SMYD3: variants seen among roughly 807,000 people sequenced by gnomAD.
SMYD3 encodes histone-lysine N-methyltransferase SMYD3.
In SMYD3, 36 loss-of-function variants were observed where a neutral mutation model predicts 57.7. The ratio of observed to expected loss-of-function variants is 0.62; its 90% CI spans 0.48 to 0.82. The LOEUF (loss-of-function observed/expected upper bound fraction) is 0.82, where lower values mean the gene tolerates loss of function less well. SMYD3 is among the 40% of genes least tolerant of loss of function. The pLI is 0.00. For missense variants in SMYD3, 515 were observed against 538.8 expected (o/e 0.96, Z 0.44); for synonymous variants, 211 against 195.0 (o/e 1.08, Z -0.68).
intron 5 of SMYD3, among the ~76,000 whole-genome samples, chr1:245,986,074 G>A (rs1250675164): frequency 1.3e-5 from 2 of 152,172 alleles, no homozygotes; most frequent in Non-Finnish European, 2.9e-5. Context: ...TAGAGTAAGC[G>A]AGTCTACCAA....
At chr1:245,756,017 T>C (rs1022947616) in intron 11 of SMYD3, among the ~76,000 whole-genome samples, 1 of 150,802 alleles carries the variant, frequency 6.6e-6, no homozygotes, top group Non-Finnish European at 1.5e-5. Flanking sequence ...GTTAAACTTT[T>C]TTTTAGAATT....
intron 11 of SMYD3, among the ~76,000 whole-genome samples, chr1:245,755,345 A>T (rs1367272915): frequency 6.6e-6 from 1 of 152,210 alleles, no homozygotes; most frequent in African/African-American, 2.4e-5. Context: ...ATAGTTACTT[A>T]AAAATGTGCA....
At chr1:246,104,136 T>C (rs997239982) in intron 5 of SMYD3, among the ~76,000 whole-genome samples, 2 of 152,204 alleles carry the variant, frequency 1.3e-5, no homozygotes, top group African/African-American at 4.8e-5. Context: ...CTTTGAATAT[T>C]CACTGGCTGA....
intron 5 of SMYD3, among the ~76,000 whole-genome samples, chr1:246,278,399 G>A (rs1225442188): frequency 6.6e-6 from 1 of 152,140 alleles, no homozygotes; most frequent in Non-Finnish European, 1.5e-5. Flanking sequence ...ATATGGCAAA[G>A]GTATATGTCA....
chr1:246,302,975 C>T (rs1339886804), intron 5 of SMYD3, among the ~76,000 whole-genome samples: 6 of 152,140 alleles, frequency 3.9e-5, no homozygotes, highest in African/African-American at 1.4e-4. Flanking sequence ...TGTGGGTCTT[C>T]TACGGAACAC....
intron 11 of SMYD3, among the ~76,000 whole-genome samples, chr1:245,757,336 A>G (rs1266520693): frequency 6.6e-6 from 1 of 151,970 alleles, no homozygotes; most frequent in Admixed American, 6.6e-5. Context: ...TTAAGGCTGA[A>G]TAATATTCCC....
In SMYD3 at chr1:246,489,974, C is replaced by T. The variant is rs563362452; in HGVS notation, c.164+17080G>A. ...TCCCAACTACCTGGGACTAGAAGTA[C>T]GACCACCGCACCTTGCTAATTTTTT... On this transcript the variant is annotated intron_variant, in intron 1 of 11. Coordinates refer to ENST00000490107, the MANE Select transcript of SMYD3 (RefSeq NM_001167740.2). Among the ~76,000 whole-genome samples, 42 of 150,442 alleles carry T rather than the reference C, an allele frequency of 2.8e-4. 1 individual carries two copies. The South Asian group carries it at 7.2e-3, about 26-fold the overall frequency.
In SMYD3 at chr1:246,280,271, G is replaced by A. The variant is rs537596321; in HGVS notation, c.531+46930C>T. Among the ~76,000 whole-genome samples the A allele has an allele frequency of 3.9e-4, 60 of 152,246 alleles. 2 individuals are homozygous for A. The South Asian group carries it at 0.012, about 30-fold the overall frequency. On this transcript the variant is annotated intron_variant, in intron 5 of 11. Transcript: ENST00000490107. ...CAGCTAGGAAAAAAATAGGCACAAA[G>A]TATTATTTTATAAAGTCTACCAAGT...
At chr1:246,498,653 C>A (rs1016433545) in intron 1 of SMYD3, among the ~76,000 whole-genome samples, 1 of 151,046 alleles carries the variant, frequency 6.6e-6, no homozygotes, top group South Asian at 2.1e-4. Flanking sequence ...ATAGTGTGAA[C>A]CTGGGAGACG....
chr1:245,806,771 G>A lies in SMYD3; in HGVS notation c.1077-42622C>T, dbSNP rs34222555. Among the ~76,000 whole-genome samples, 45 of 151,276 alleles carry A rather than the reference G, an allele frequency of 3.0e-4. 1 individual carries two copies. The South Asian group carries it at 7.1e-3, about 24-fold the overall frequency. On this transcript the variant is annotated intron_variant, in intron 10 of 11. Transcript: ENST00000490107. ...TAAAAATACAAAAAATTAGCCGGGCGCGGTGGCGGGCGCCTGTAGTCCCAG... is the reference window on the plus strand; with the variant it reads ...TAAAAATACAAAAAATTAGCCGGGCACGGTGGCGGGCGCCTGTAGTCCCAG...
intron 5 of SMYD3, among the ~76,000 whole-genome samples, chr1:246,171,446 T>G (rs1359831085): frequency 6.6e-6 from 1 of 152,154 alleles, no homozygotes; most frequent in African/African-American, 2.4e-5. Flanking sequence ...AGCTTACACC[T>G]GAGAGTACTG....
intron 11 of SMYD3, among the ~76,000 whole-genome samples, chr1:245,751,665 C>T (rs566606383): frequency 1.1e-3 from 171 of 152,322 alleles, no homozygotes; most frequent in Non-Finnish European, 1.8e-3. Flanking sequence ...ACCCTGGCCT[C>T]TCAGCCTGGA....
chr1:245,757,251 G>A (rs1247796762), intron 11 of SMYD3, among the ~76,000 whole-genome samples: 6 of 152,040 alleles, frequency 3.9e-5, no homozygotes, highest in African/African-American at 1.2e-4. Context: ...GTTCTTCTCT[G>A]TCAGGCTTAT....
chr1:246,449,825 A>T (rs969346637), intron 1 of SMYD3, among the ~76,000 whole-genome samples: 2 of 152,186 alleles, frequency 1.3e-5, no homozygotes, highest in African/African-American at 4.8e-5. Context: ...TGTGAGTATG[A>T]ACCTGCTGAC....
intron 5 of SMYD3, among the ~76,000 whole-genome samples, chr1:246,031,594 A>G (rs538324414): frequency 3.3e-5 from 5 of 152,170 alleles, no homozygotes; most frequent in African/African-American, 7.2e-5. Flanking sequence ...AAAATTAGCC[A>G]GGCGTGGTGG....
intron 5 of SMYD3, among the ~76,000 whole-genome samples, chr1:246,081,358 C>T (rs11587141): frequency 9.1e-4 from 139 of 152,180 alleles, no homozygotes; most frequent in Non-Finnish European, 1.6e-3. Context: ...AATATAGAAA[C>T]GGAAGACTTT....
intron 8 of SMYD3, among the ~76,000 whole-genome samples, chr1:245,882,359 A>G (rs1438572973): frequency 2.0e-5 from 3 of 152,182 alleles, no homozygotes; most frequent in African/African-American, 7.2e-5. Context: ...TTCAACAAAA[A>G]TCCCCCATAT....
chr1:246,103,467 T>C (rs1473081929), intron 5 of SMYD3, among the ~76,000 whole-genome samples: 1 of 151,754 alleles, frequency 6.6e-6, no homozygotes, highest in Non-Finnish European at 1.5e-5. Flanking sequence ...CTCGTGCTCC[T>C]CACCTGGCCC....
intron 5 of SMYD3, among the ~76,000 whole-genome samples, chr1:246,120,188 G>T (rs928009323): frequency 6.6e-6 from 1 of 152,158 alleles, no homozygotes; most frequent in African/African-American, 2.4e-5. Context: ...CAGGTATAGA[G>T]AGTATGCCTC....
Sources: allele counts gnomAD v4.1 joint callset (sites outside exome capture counted in the v4.1 genomes callset), GRCh38; gene constraint gnomAD v4.1.1; transcripts MANE v1.5; gene names NCBI Gene and HGNC (gene_info 2026-07-23, HGNC 2026-07-21).